The following ATG5 variants were observed in gnomAD, a reference collection of about 807,000 sequenced individuals.
ATG5 encodes the protein autophagy related 5.
ATG5 carries 14 observed loss-of-function variants against 36.5 expected under a neutral mutation model. That is an observed-to-expected ratio of 0.38 (90% CI 0.25 to 0.60). The LOEUF is 0.60. ATG5 is among the 20% of genes least tolerant of loss of function. The pLI is 0.60. For missense variants in ATG5, 195 were observed against 326.7 expected (o/e 0.60, Z 3.11); for synonymous variants, 95 against 101.5 (o/e 0.94, Z 0.38).
At chr6:106,244,269 G>A (rs1778247041) in intron 6 of ATG5, among the ~76,000 whole-genome samples, 1 of 152,148 alleles carries the variant, frequency 6.6e-6, no homozygotes, top group Admixed American at 6.5e-5. Flanking sequence ...ATAACATGTA[G>A]AACAAAGTAG....
intron 6 of ATG5, among the ~76,000 whole-genome samples, chr6:106,211,686 G>T (rs1776857550): frequency 6.6e-6 from 1 of 152,160 alleles, no homozygotes. Flanking sequence ...CTCCAGCCTG[G>T]GCAACAGAGT....
chr6:106,261,720 T>C (rs536344200), intron 5 of ATG5, among the ~76,000 whole-genome samples: 1 of 152,288 alleles, frequency 6.6e-6, no homozygotes, highest in African/African-American at 2.4e-5. Context: ...AGGGTGATAA[T>C]GGTAGAGATG....
intron 3 of ATG5, 139 bp downstream of exon 3, chr6:106,308,225 G>A: frequency 1.6e-6 from 1 of 627,950 alleles, no homozygotes; most frequent in African/African-American, 1.9e-5. Flanking sequence ...TCTAGTAATA[G>A]TCTAAACTTC....
chr6:106,217,745 C>T (rs1777095786), intron 6 of ATG5: 1 of 152,162 alleles, frequency 6.6e-6, no homozygotes, highest in Non-Finnish European at 1.5e-5. Flanking sequence ...TATGGCTTGT[C>T]CTAGGAACTT....
chr6:106,281,488 G>A lies in ATG5; in HGVS notation c.316-1665C>T, dbSNP rs140908791. Among the ~76,000 whole-genome samples the A allele has an allele frequency of 1.7e-3, 252 of 152,242 alleles. 1 individual carries two copies. The highest frequency in any genetic ancestry group is 5.3e-3 in the African/African-American group (219 of 41,546). ...TAGCATATTTTTGAGATTCATTCCTGTTACTACACATATCAGTAATTAATT... is the reference window on the plus strand; with the variant it reads ...TAGCATATTTTTGAGATTCATTCCTATTACTACACATATCAGTAATTAATT... On this transcript the variant is annotated intron_variant, in intron 4 of 7. Transcript: ENST00000369076.
chr6:106,276,071 A>ACTCC (rs1466121071), intron 5 of ATG5, among the ~76,000 whole-genome samples: 2 of 152,172 alleles, frequency 1.3e-5, no homozygotes, highest in African/African-American at 4.8e-5. Flanking sequence ...AGACCGCTTT[A>ACTCC]CTCCCTTTCA....
chr6:106,227,781 G>T (rs893269766), intron 6 of ATG5, among the ~76,000 whole-genome samples: 6 of 152,194 alleles, frequency 3.9e-5, no homozygotes, highest in African/African-American at 1.4e-4. Context: ...TTCTTGCACT[G>T]TTCTGGTTAT....
At chr6:106,204,323 C>T (rs954429135) in intron 6 of ATG5, among the ~76,000 whole-genome samples, 1 of 152,228 alleles carries the variant, frequency 6.6e-6, no homozygotes. Context: ...TCACTGAATA[C>T]ATAGTATTTT....
rs1159221674 is a variant in ATG5, at chr6:106,185,705, T to C, written c.*835A>G. 3.9e-5 allele frequency: 6 copies of C among 152,314 alleles called. No homozygotes were observed. Among genetic ancestry groups the C allele is most frequent in the Non-Finnish European group, 7.4e-5 (5 of 68,022 alleles). The allele number at this position is 152,314 out of a possible 1,614,324, so 9.4% of individuals were successfully genotyped here. A position where few individuals can be genotyped will look rare whatever the true frequency, so the allele number is the denominator to read the frequency against. On this transcript the variant is annotated 3_prime_UTR_variant, in exon 8 of 8. Transcript: ENST00000369076. ...GCTTACAGTGATAAAACAACAAAGA[T>C]GAACAGTTACAATATTTATACGTGT...
intron 6 of ATG5, among the ~76,000 whole-genome samples, chr6:106,225,867 T>C (rs1315483352): frequency 1.3e-5 from 2 of 152,260 alleles, no homozygotes; most frequent in South Asian, 2.1e-4. Flanking sequence ...CAATAACAGA[T>C]GGGACAAACA....
chr6:106,250,988 C>T (rs1245777388), intron 5 of ATG5, among the ~76,000 whole-genome samples: 1 of 152,316 alleles, frequency 6.6e-6, no homozygotes, highest in East Asian at 1.9e-4. Flanking sequence ...TGTCCAGATA[C>T]GCAAGTCTCT....
intron 7 of ATG5, among the ~76,000 whole-genome samples, chr6:106,196,953 CTGT>C (rs1776218532): frequency 1.3e-5 from 2 of 151,778 alleles, no homozygotes; most frequent in African/African-American, 2.4e-5. Flanking sequence ...TAAAAAGCAA[CTGT>C]TAACTTTAGT....
intron 4 of ATG5, among the ~76,000 whole-genome samples, chr6:106,288,268 G>A (rs189427079): frequency 3.3e-4 from 50 of 151,920 alleles, no homozygotes; most frequent in African/African-American, 1.2e-3. Context: ...CTGCCCTGCC[G>A]CACAATTAAT....
chr6:106,312,091 A>G (rs1176569547), intron 2 of ATG5, among the ~76,000 whole-genome samples: 1 of 152,164 alleles, frequency 6.6e-6, no homozygotes, highest in Non-Finnish European at 1.5e-5. Flanking sequence ...TTGGCCTCCC[A>G]AAGTGCTGGG....
intron 2 of ATG5, among the ~76,000 whole-genome samples, chr6:106,309,266 A>G (rs758133759): frequency 4.6e-5 from 7 of 152,118 alleles, no homozygotes; most frequent in Admixed American, 3.3e-4. Context: ...ATTCAAGGTG[A>G]TATCTTTTGA....
At position 106,186,429 on chromosome 6, in the gene ATG5, C is replaced by T. The variant is rs1562198508; in HGVS notation, c.*111G>A. ...CTTTTTCCTGTCTGGCTTGCAGCAG[C>T]GAAGTGTTTCTGGTCAGGTTGCCTC... On this transcript the variant is annotated 3_prime_UTR_variant, in exon 8 of 8. Coordinates refer to ENST00000369076, the MANE Select transcript of ATG5 (RefSeq NM_004849.4). 2 of 1,288,780 alleles carry T rather than the reference C, an allele frequency of 1.6e-6. No homozygotes were observed. Among genetic ancestry groups the T allele is most frequent in the Non-Finnish European group, 2.2e-6 (2 of 923,236 alleles). The allele number at this position is 1,288,780 out of a possible 1,614,324, so 79.8% of individuals were successfully genotyped here.
At chr6:106,315,724 AAT>A (rs1246590385) in intron 2 of ATG5, among the ~76,000 whole-genome samples, 8 of 152,140 alleles carry the variant, frequency 5.3e-5, no homozygotes, top group African/African-American at 9.7e-5. Flanking sequence ...TATTATTTTC[AAT>A]ATCTCTTCCT....
chr6:106,234,833 G>A (rs1777830249), intron 6 of ATG5, among the ~76,000 whole-genome samples: 1 of 152,154 alleles, frequency 6.6e-6, no homozygotes, highest in Non-Finnish European at 1.5e-5. Flanking sequence ...GAACTCAATG[G>A]TGACATGGAA....
At chr6:106,284,903 G>C (rs1780018297) in intron 4 of ATG5, among the ~76,000 whole-genome samples, 1 of 151,970 alleles carries the variant, frequency 6.6e-6, no homozygotes, top group South Asian at 2.1e-4. Flanking sequence ...ACTGTTATTA[G>C]ATAGTATATG....
Sources: allele counts gnomAD v4.1 joint callset (sites outside exome capture counted in the v4.1 genomes callset), GRCh38; gene constraint gnomAD v4.1.1; transcripts MANE v1.5; gene names NCBI Gene and HGNC (gene_info 2026-07-23, HGNC 2026-07-21).